The following STX8 variants were observed in gnomAD, a reference collection of about 807,000 sequenced individuals.
The protein encoded by STX8 is syntaxin-8.
In STX8, 23 loss-of-function variants were observed where a neutral mutation model predicts 37.5. That is an observed-to-expected ratio of 0.61 (90% CI 0.44 to 0.87). The LOEUF (loss-of-function observed/expected upper bound fraction) is 0.87, where lower values mean the gene tolerates loss of function less well. STX8 is among the 40% of genes least tolerant of loss of function. The pLI is 0.00. For synonymous variants in STX8, 115 were observed against 99.1 expected (o/e 1.16, Z -0.95); for missense variants, 313 against 284.7 (o/e 1.10, Z -0.71).
At chr17:9,496,679 A>C (rs1384690334) in intron 5 of STX8, among the ~76,000 whole-genome samples, 1 of 152,196 alleles carries the variant, frequency 6.6e-6, no homozygotes, top group Non-Finnish European at 1.5e-5. Context: ...AAAATCTGAG[A>C]CGGGGGATTA....
intron 7 of STX8, among the ~76,000 whole-genome samples, chr17:9,313,657 G>A (rs905202237): frequency 3.9e-5 from 6 of 152,150 alleles, no homozygotes; most frequent in South Asian, 2.1e-4. Context: ...ACGGAGTCTC[G>A]CTTCTGTCGC....
chr17:9,478,542 TA>T (rs1162236553), intron 6 of STX8, among the ~76,000 whole-genome samples: 1 of 152,204 alleles, frequency 6.6e-6, no homozygotes, highest in Non-Finnish European at 1.5e-5. Context: ...ACTATTAGCA[TA>T]AATGTTTCCT....
chr17:9,265,104 A>G (rs1907186491), intron 7 of STX8, among the ~76,000 whole-genome samples: 1 of 150,800 alleles, frequency 6.6e-6, no homozygotes, highest in South Asian at 2.1e-4. Context: ...GGGTGAGAGA[A>G]CAAGACCCAG....
At chr17:9,253,765 T>A (rs1169668497) in intron 7 of STX8, among the ~76,000 whole-genome samples, 1 of 152,166 alleles carries the variant, frequency 6.6e-6, no homozygotes, top group Non-Finnish European at 1.5e-5. Flanking sequence ...GAGGCTCTGA[T>A]GGCCTGGAGC....
chr17:9,451,322 T>A (rs2142402532), intron 6 of STX8, among the ~76,000 whole-genome samples: 1 of 152,288 alleles, frequency 6.6e-6, no homozygotes, highest in East Asian at 1.9e-4. Context: ...CATGTCACAC[T>A]TTGTTACTAA....
At chr17:9,495,061 T>A (rs1407367711) in intron 5 of STX8, among the ~76,000 whole-genome samples, 8 of 152,246 alleles carry the variant, frequency 5.3e-5, no homozygotes, top group Non-Finnish European at 1.0e-4. Flanking sequence ...CATTTACTTA[T>A]ATTTTTTCCA....
intron 7 of STX8, among the ~76,000 whole-genome samples, chr17:9,368,894 T>C: frequency 6.6e-6 from 1 of 151,672 alleles, no homozygotes; most frequent in East Asian, 1.9e-4. Context: ...CTCTCTCCTA[T>C]ACTCTTAAGT....
chr17:9,541,977 C>G lies in STX8; in HGVS notation c.323+3195G>C, dbSNP rs77672593. Among the ~76,000 whole-genome samples, 292 of 151,860 alleles carry G rather than the reference C, an allele frequency of 1.9e-3. 3 individuals carry two copies. The highest frequency in any genetic ancestry group is 6.7e-3 in the African/African-American group (278 of 41,328). On this transcript the variant is annotated intron_variant, in intron 4 of 7. Coordinates refer to ENST00000306357, the MANE Select transcript of STX8 (RefSeq NM_004853.3). ...CTCACCCAAGACTATGAATCAGACT[C>G]TGCAAGTACATGGTCTAAACATTTG...
chr17:9,335,182 T>C (rs1056054160), intron 7 of STX8, among the ~76,000 whole-genome samples: 1 of 152,124 alleles, frequency 6.6e-6, no homozygotes, highest in Admixed American at 6.6e-5. Flanking sequence ...CCCTAGCCAA[T>C]AGGGGAACAA....
At chr17:9,517,835 T>C (rs1905199885) in intron 4 of STX8, among the ~76,000 whole-genome samples, 2 of 147,832 alleles carry the variant, frequency 1.4e-5, no homozygotes, top group South Asian at 4.3e-4. Flanking sequence ...AAGGCAGCCT[T>C]GAAGAATGCG....
intron 7 of STX8, among the ~76,000 whole-genome samples, chr17:9,277,200 AAAAAT>A (rs1907707306): frequency 6.6e-6 from 1 of 152,188 alleles, no homozygotes; most frequent in South Asian, 2.1e-4. Flanking sequence ...TTCATGACTT[AAAAAT>A]GAGTAAGGAA....
intron 6 of STX8, among the ~76,000 whole-genome samples, chr17:9,384,794 T>TTGTGTGTG (rs59655296): frequency 0.013 from 1,941 of 147,742 alleles, 59 homozygotes; most frequent in African/African-American, 0.045. Flanking sequence ...CCAGATAGAC[T>TTGTGTGTG]TGTGTGTGTG....
intron 7 of STX8, among the ~76,000 whole-genome samples, chr17:9,354,108 CCTT>C (rs1296272208): frequency 6.6e-6 from 1 of 152,052 alleles, no homozygotes; most frequent in Non-Finnish European, 1.5e-5. Context: ...TACACAGTCA[CCTT>C]CTCTTTCATT....
intron 6 of STX8, among the ~76,000 whole-genome samples, chr17:9,428,788 C>T (rs1021144176): frequency 1.3e-5 from 2 of 152,148 alleles, no homozygotes; most frequent in Non-Finnish European, 2.9e-5. Flanking sequence ...CTTCCAAGTT[C>T]AGTGTTACCT....
intron 7 of STX8, among the ~76,000 whole-genome samples, chr17:9,376,549 C>T (rs147055922): frequency 6.6e-6 from 1 of 152,228 alleles, no homozygotes; most frequent in Admixed American, 6.5e-5. Context: ...CCTGAGGCAG[C>T]AACCCTGACC....
chr17:9,556,747 TAA>T (rs1906977807), intron 3 of STX8: 1 of 120,004 alleles, frequency 8.3e-6, no homozygotes, highest in Non-Finnish European at 1.6e-5. Flanking sequence ...TATGAATTTC[TAA>T]AATATATATA....
intron 7 of STX8, 194 bp downstream of exon 7, chr17:9,378,358 A>C (rs892712668): frequency 1.9e-6 from 1 of 536,234 alleles, no homozygotes; most frequent in Non-Finnish European, 3.4e-6. Flanking sequence ...ACAATGAATG[A>C]TATGCCCTTT....
intron 7 of STX8, among the ~76,000 whole-genome samples, chr17:9,272,063 C>T (rs964850187): frequency 3.3e-5 from 5 of 152,168 alleles, no homozygotes; most frequent in African/African-American, 1.2e-4. Flanking sequence ...GACACAAAGC[C>T]CTCTTGCTGT....
intron 4 of STX8, among the ~76,000 whole-genome samples, chr17:9,514,286 T>A (rs904687743): frequency 6.6e-6 from 1 of 152,328 alleles, no homozygotes; most frequent in East Asian, 1.9e-4. Context: ...CCCATAAATA[T>A]GTATAATTAT....
Sources: allele counts gnomAD v4.1 joint callset (sites outside exome capture counted in the v4.1 genomes callset), GRCh38; gene constraint gnomAD v4.1.1; transcripts MANE v1.5; gene names NCBI Gene and HGNC (gene_info 2026-07-23, HGNC 2026-07-21).